Variants in PSMD9 observed in about 807,000 individuals in gnomAD.
PSMD9 encodes the protein proteasome 26S subunit, non-ATPase 9.
In PSMD9, 26 loss-of-function variants were observed where a neutral mutation model predicts 25.9. That is an observed-to-expected ratio of 1.00 (90% CI 0.73 to 1.39). PSMD9 has a LOEUF of 1.39. Among genes scored for constraint, PSMD9 ranks in the 40% most tolerant of loss-of-function variants. The pLI, the probability that PSMD9 is intolerant of heterozygous loss-of-function variation, is 0.00. For synonymous variants in PSMD9, 110 were observed against 114.5 expected (o/e 0.96, Z 0.25); for missense variants, 303 against 299.3 (o/e 1.01, Z -0.09).
chr12:121,906,774 A>G (rs1357758184), intron 4 of PSMD9, among the ~76,000 whole-genome samples: 1 of 151,418 alleles, frequency 6.6e-6, no homozygotes, highest in Non-Finnish European at 1.5e-5. Context: ...AGATCACGCC[A>G]CTGCACTCCA....
intron 2 of PSMD9, chr12:121,898,766 GGCTA>G (rs1427865413): frequency 6.5e-6 from 1 of 154,548 alleles, no homozygotes; most frequent in Non-Finnish European, 1.4e-5. Flanking sequence ...CTGTTGCCCA[GGCTA>G]GAGTGCAGTG....
chr12:121,913,308 T>C (rs1879793242), intron 4 of PSMD9, among the ~76,000 whole-genome samples: 1 of 152,018 alleles, frequency 6.6e-6, no homozygotes, highest in East Asian at 1.9e-4. Flanking sequence ...CTTGATCTCC[T>C]GACCTCATGA....
intron 1 of PSMD9, among the ~76,000 whole-genome samples, chr12:121,889,766 G>T (rs961594737): frequency 3.9e-5 from 6 of 152,134 alleles, no homozygotes; most frequent in Admixed American, 6.5e-5. Flanking sequence ...CATGTAGTTC[G>T]GAAGTGGCAG....
chr12:121,909,099 A>G (rs547828262), intron 4 of PSMD9, among the ~76,000 whole-genome samples: 2 of 152,210 alleles, frequency 1.3e-5, no homozygotes, highest in South Asian at 2.1e-4. Context: ...CAGTCAGTCA[A>G]GAGAGGATGG....
intron 4 of PSMD9, chr12:121,915,628 C>T (rs988595961): frequency 5.7e-5 from 30 of 523,298 alleles, no homozygotes; most frequent in Non-Finnish European, 9.5e-5. Context: ...TTTTAAAGAT[C>T]GTTGGTGGTG....
chr12:121,907,385 T>G (rs938430650), intron 4 of PSMD9, among the ~76,000 whole-genome samples: 16 of 151,848 alleles, frequency 1.1e-4, no homozygotes, highest in South Asian at 2.1e-4. Context: ...TTGTTTTTTT[T>G]TTTGTTTGTT....
Position 121,905,751 on chromosome 12 carries a change from CA to C in PSMD9, c.555+2647del, listed in dbSNP as rs541368630. ...TTCAGCATGTTGGCCAGGCTGGTCT[CA>C]AACTCCTAACCTCAGGTGATCCACC... On this transcript the variant is annotated intron_variant, in intron 4 of 5. Coordinates refer to ENST00000541212, the MANE Select transcript of PSMD9 (RefSeq NM_002813.7). Among the ~76,000 whole-genome samples the C allele has an allele frequency of 4.0e-4, 60 of 151,896 alleles. No homozygotes were observed. The East Asian group carries it at 0.011, about 28-fold the overall frequency.
At position 121,899,791 on chromosome 12, in the gene PSMD9, A is replaced by G; in HGVS notation, c.399A>G (p.Pro133=). 5 of 1,614,078 alleles carry G rather than the reference A, an allele frequency of 3.1e-6. No homozygotes were observed. The highest frequency in any genetic ancestry group is 4.2e-6 in the Non-Finnish European group (5 of 1,179,946). Residue 133 remains proline (P), a synonymous_variant, in exon 3 of 6, where the codon CCA becomes CCG. Coordinates refer to ENST00000541212, the MANE Select transcript of PSMD9 (RefSeq NM_002813.7). The part of the protein sequence containing the change: ...KLGQSESQGP[P]RAFAKVNSIS... ...GTCAGAGTGAGAGCCAGGGCCCTCCACGGGCCTTCGCCAAAGTGAACAGCA... is the reference window on the plus strand; with the variant it reads ...GTCAGAGTGAGAGCCAGGGCCCTCCGCGGGCCTTCGCCAAAGTGAACAGCA...
Position 121,888,883 on chromosome 12 carries a change from C to G in PSMD9, c.27C>G (p.Ser9Arg). The change falls in exon 1 of 6, where the codon AGC (serine) becomes AGG (arginine). Residue 9 changes from serine (S) to arginine (R), a missense_variant. Transcript: ENST00000541212. MSDEEARQ[S>R]GGSSQAGVVT... ...TGTCCGACGAGGAAGCGAGGCAGAG[C>G]GGAGGCTCCTCGCAGGCCGGCGTCG... The G allele has an allele frequency of 6.2e-7, 1 of 1,603,428 alleles. No individual in the cohort carries two copies. The highest frequency in any genetic ancestry group is 8.5e-7 in the Non-Finnish European group (1 of 1,175,888).
At chr12:121,908,433 C>G (rs1322058616) in intron 4 of PSMD9, among the ~76,000 whole-genome samples, 1 of 152,146 alleles carries the variant, frequency 6.6e-6, no homozygotes, top group Non-Finnish European at 1.5e-5. Flanking sequence ...CCCGCTTCGG[C>G]CTCCCAAAGT....
intron 4 of PSMD9, chr12:121,911,149 T>G (rs1879708942): frequency 2.8e-6 from 1 of 363,366 alleles, no homozygotes; most frequent in South Asian, 2.1e-5. Flanking sequence ...GAGCCATTCT[T>G]CTATCTCAGC....
chr12:121,898,208 C>T (rs1273942244), intron 2 of PSMD9: 1 of 152,174 alleles, frequency 6.6e-6, no homozygotes, highest in African/African-American at 2.4e-5. Context: ...TCCAAAGTGA[C>T]AGTGGCAGAG....
At position 121,916,375 on chromosome 12, in the gene PSMD9, T is replaced by G. The variant is rs1194277832; in HGVS notation, c.*64T>G. On this transcript the variant is annotated 3_prime_UTR_variant, in exon 6 of 6. Coordinates refer to ENST00000541212, the MANE Select transcript of PSMD9 (RefSeq NM_002813.7). ...TGCCCTGGACTTGGGTCTAGGGATT[T>G]CCAACTTGTCTTCTCTCCCTGAAGC... The G allele has an allele frequency of 6.4e-7, 1 of 1,567,038 alleles. No homozygotes were observed. The highest frequency in any genetic ancestry group is 2.2e-5 in the East Asian group (1 of 44,702).
chr12:121,901,842 A>AT (rs1257669639), intron 3 of PSMD9, among the ~76,000 whole-genome samples: 16 of 151,078 alleles, frequency 1.1e-4, no homozygotes, highest in African/African-American at 3.9e-4. Context: ...CGTCCAGCTA[A>AT]TTTTTATTTT....
intron 2 of PSMD9, among the ~76,000 whole-genome samples, chr12:121,897,010 G>A (rs896379856): frequency 2.0e-5 from 3 of 150,186 alleles, no homozygotes; most frequent in African/African-American, 7.5e-5. Flanking sequence ...ATATACACAT[G>A]CGTGTATATA....
intron 3 of PSMD9, among the ~76,000 whole-genome samples, chr12:121,901,602 T>G (rs2135724509): frequency 6.6e-6 from 1 of 151,314 alleles, no homozygotes; most frequent in Non-Finnish European, 1.5e-5. Flanking sequence ...CGATCCTTCT[T>G]CCTCGGCCTC....
At chr12:121,903,243 C>A in intron 4 of PSMD9, 136 bp downstream of exon 4, 1 of 756,680 alleles carries the variant, frequency 1.3e-6, no homozygotes, top group Non-Finnish European at 2.2e-6. Context: ...AGGCACCAGC[C>A]AATTTGGTGT....
chr12:121,916,598 G>A lies in PSMD9; in HGVS notation c.*287G>A, dbSNP rs1879911706. ...AAGTTATTCTGGCAGGTACTGGTGT[G>A]ATTATTATTATTATTTTTAATAAAG... is the stretch of plus-strand genomic sequence containing the variant. On this transcript the variant is annotated 3_prime_UTR_variant, in exon 6 of 6. Transcript: ENST00000541212. 7 of 426,066 alleles carry A rather than the reference G, an allele frequency of 1.6e-5. No homozygotes were observed. In the South Asian group the frequency reaches 2.6e-4, roughly 16 times the overall value. 26.4% of individuals were successfully genotyped at this position (426,066 alleles called of 1,614,324 possible).
intron 1 of PSMD9, among the ~76,000 whole-genome samples, chr12:121,889,217 G>C (rs1878986416): frequency 6.6e-6 from 1 of 152,246 alleles, no homozygotes; most frequent in Non-Finnish European, 1.5e-5. Context: ...GTGGAGCCCT[G>C]CTGTGTGCTA....
Sources: gnomAD v4.1 joint callset for allele counts (sites outside exome capture counted in the v4.1 genomes callset) on GRCh38, gnomAD v4.1.1 for gene constraint, MANE v1.5 for transcripts, NCBI Gene and HGNC (gene_info 2026-07-23, HGNC 2026-07-21) for gene names.